The following KSR2 variants were observed in gnomAD, a reference collection of about 807,000 sequenced individuals.
KSR2 encodes kinase suppressor of ras 2.
Under a neutral mutation model 107.8 loss-of-function variants are expected in KSR2, and 25 were observed. The ratio of observed to expected loss-of-function variants is 0.23; its 90% CI spans 0.17 to 0.32. The LOEUF (loss-of-function observed/expected upper bound fraction) is 0.32, where lower values mean the gene tolerates loss of function less well. Among genes scored for constraint, KSR2 ranks in the 10% least tolerant of loss-of-function variants. The pLI is 1.00. For missense variants in KSR2, 887 were observed against 1,268.9 expected (o/e 0.70, Z 4.57); for synonymous variants, 480 against 507.0 (o/e 0.95, Z 0.71).
At chr12:117,638,826 A>G (rs1183008288) in intron 5 of KSR2, among the ~76,000 whole-genome samples, 1 of 152,338 alleles carries the variant, frequency 6.6e-6, no homozygotes, top group African/African-American at 2.4e-5. Flanking sequence ...CAAGTGAGGA[A>G]AAACCTCCAG....
chr12:117,613,516 G>T (rs1404639687), intron 5 of KSR2, among the ~76,000 whole-genome samples: 2 of 152,178 alleles, frequency 1.3e-5, no homozygotes, highest in Non-Finnish European at 2.9e-5. Flanking sequence ...ACTGGACTCA[G>T]ATGAAACATG....
intron 5 of KSR2, among the ~76,000 whole-genome samples, chr12:117,664,316 G>C (rs577926666): frequency 3.9e-5 from 6 of 152,294 alleles, no homozygotes; most frequent in Admixed American, 3.3e-4. Flanking sequence ...CCATCATGGG[G>C]TAACAAGATG....
At chr12:117,597,917 C>T (rs1880736081) in intron 5 of KSR2, among the ~76,000 whole-genome samples, 2 of 152,198 alleles carry the variant, frequency 1.3e-5, no homozygotes, top group African/African-American at 4.8e-5. Context: ...GGACTATCTC[C>T]TATTTCACAG....
At chr12:117,937,323 G>A (rs563522978) in intron 1 of KSR2, among the ~76,000 whole-genome samples, 77 of 152,000 alleles carry the variant, frequency 5.1e-4, no homozygotes, top group African/African-American at 1.8e-3. Context: ...ATGTATTTCC[G>A]TTTCACCACC....
intron 4 of KSR2, among the ~76,000 whole-genome samples, chr12:117,751,200 C>T (rs921728909): frequency 1.3e-5 from 2 of 152,136 alleles, no homozygotes; most frequent in African/African-American, 4.8e-5. Flanking sequence ...CTCCTTGCTG[C>T]CGCCATGTGA....
In KSR2 at chr12:117,481,193, A is replaced by G. The variant is rs182508183; in HGVS notation, c.2450+3223T>C. Among the ~76,000 whole-genome samples, 27 of 152,342 alleles carry G rather than the reference A, an allele frequency of 1.8e-4. No homozygotes were observed. The East Asian group carries it at 5.2e-3, about 29-fold the overall frequency. Reference sequence around the variant, plus strand: ...CCCTACTCCCATTTTACAGGTGAGGAAACTAAGGATCAGGGAACCAGGTGT... The same window carrying G: ...CCCTACTCCCATTTTACAGGTGAGGGAACTAAGGATCAGGGAACCAGGTGT... On this transcript the variant is annotated intron_variant, in intron 16 of 19. Coordinates refer to ENST00000339824, the MANE Select transcript of KSR2 (RefSeq NM_173598.6).
intron 1 of KSR2, among the ~76,000 whole-genome samples, chr12:117,935,103 C>CA (rs1895798795): frequency 6.6e-6 from 1 of 152,104 alleles, no homozygotes; most frequent in Non-Finnish European, 1.5e-5. Flanking sequence ...GCTGGGATTA[C>CA]AGGTCTGAGC....
At position 117,907,599 on chromosome 12, in the gene KSR2, A is replaced by C. The variant is rs554255446; in HGVS notation, c.181-47168T>G. On this transcript the variant is annotated intron_variant, in intron 1 of 19. Transcript: ENST00000339824. The surrounding 1 kb of genome is among the most constrained non-coding windows in gnomAD (Gnocchi z 4.3). ...AGAGCACAGAACACAGAGAGAGAGAATATCAGAAAATGTGAATGGAAAAAT... is the reference window on the plus strand; with the variant it reads ...AGAGCACAGAACACAGAGAGAGAGACTATCAGAAAATGTGAATGGAAAAAT... 2.0e-5 allele frequency among the ~76,000 whole-genome samples: 3 copies of C among 152,228 alleles called. No homozygotes were observed. The highest frequency in any genetic ancestry group is 6.5e-5 in the Admixed American group (1 of 15,296).
chr12:117,554,046 T>A (rs1422163548), intron 9 of KSR2, among the ~76,000 whole-genome samples: 1 of 152,182 alleles, frequency 6.6e-6, no homozygotes, highest in Non-Finnish European at 1.5e-5. Flanking sequence ...CAGCCTCAGA[T>A]ATTCCTTCAT....
intron 1 of KSR2, among the ~76,000 whole-genome samples, chr12:117,896,458 ATTTT>A (rs1159176481): frequency 7.4e-6 from 1 of 135,644 alleles, no homozygotes. Context: ...TTCGCACAAC[ATTTT>A]TTTTTTTTTT....
At chr12:117,809,376 C>T (rs1566026134) in intron 3 of KSR2, among the ~76,000 whole-genome samples, 1 of 151,954 alleles carries the variant, frequency 6.6e-6, no homozygotes, top group Non-Finnish European at 1.5e-5. Context: ...TGGCTCCTAC[C>T]CACTAGAAAG....
At chr12:117,953,972 C>G (rs28612617) in intron 1 of KSR2, among the ~76,000 whole-genome samples, 13,411 of 151,874 alleles carry the variant, frequency 0.088, 670 homozygotes, top group African/African-American at 0.13. Flanking sequence ...CACCTGTAGT[C>G]CCAGCTACTC....
rs1408355053 is a variant in KSR2 at position 117,907,161 on chromosome 12, C to T, written c.181-46730G>A. ...GGATAGATGGGGAAGCTGAAGCTCA[C>T]GGAGATTAAATTACTTGCTTACATG... is the stretch of plus-strand genomic sequence containing the variant. On this transcript the variant is annotated intron_variant, in intron 1 of 19. Transcript: ENST00000339824. The surrounding 1 kb of genome is among the most constrained non-coding windows in gnomAD (Gnocchi z 4.3). Among the ~76,000 whole-genome samples the T allele has an allele frequency of 6.6e-6, 1 of 152,104 alleles. No homozygotes were observed. The highest frequency in any genetic ancestry group is 2.4e-5 in the African/African-American group (1 of 41,418).
chr12:117,539,873 G>A lies in KSR2; in HGVS notation c.1533C>T (p.Val511=). 1 of 1,609,954 alleles carries A rather than the reference G, an allele frequency of 6.2e-7. No homozygotes were observed. The highest frequency in any genetic ancestry group is 8.5e-7 in the Non-Finnish European group (1 of 1,178,472). ...TNKINKDHIP[V]PYQPDSSSNP... is the part of the protein sequence containing the mutation. ...TGCTGCTGGAGTCTGGCTGGTAAGG[G>A]ACAGGGATGTGGTCCTGCAGAGAGA... is the stretch of plus-strand genomic sequence containing the variant. The change falls in exon 10 of 20, where the codon GTC becomes GTT. Residue 511 remains valine (V), a synonymous_variant. Coordinates refer to ENST00000339824, the MANE Select transcript of KSR2 (RefSeq NM_173598.6).
chr12:117,830,013 A>C (rs996314185), intron 3 of KSR2, among the ~76,000 whole-genome samples: 1 of 152,184 alleles, frequency 6.6e-6, no homozygotes, highest in African/African-American at 2.4e-5. Context: ...CACGTCTGTA[A>C]TCCCAGCACT....
chr12:117,618,554 G>A (rs1300883705), intron 5 of KSR2, among the ~76,000 whole-genome samples: 1 of 152,016 alleles, frequency 6.6e-6, no homozygotes, highest in Non-Finnish European at 1.5e-5. Flanking sequence ...ATCTTGAATT[G>A]TAGCTCCCAT....
intron 1 of KSR2, among the ~76,000 whole-genome samples, chr12:117,874,346 C>A (rs1893758622): frequency 6.6e-6 from 1 of 152,168 alleles, no homozygotes; most frequent in East Asian, 1.9e-4. Context: ...AATCCTCCCA[C>A]CTCAGCTTCC....
At chr12:117,806,243 C>A (rs536841121) in intron 3 of KSR2, among the ~76,000 whole-genome samples, 2 of 152,276 alleles carry the variant, frequency 1.3e-5, no homozygotes, top group East Asian at 1.9e-4. Context: ...TGCTCACATG[C>A]GGCATATTCC....
intron 9 of KSR2, among the ~76,000 whole-genome samples, chr12:117,549,660 C>T (rs1372926600): frequency 6.6e-6 from 1 of 152,130 alleles, no homozygotes; most frequent in Admixed American, 6.5e-5. Flanking sequence ...TATGGAAGAA[C>T]AGGAGAGAGG....
Sources: allele counts gnomAD v4.1 joint callset (sites outside exome capture counted in the v4.1 genomes callset), GRCh38; gene constraint gnomAD v4.1.1; non-coding constraint Gnocchi (gnomAD v3.1); transcripts MANE v1.5; gene names NCBI Gene and HGNC (gene_info 2026-07-23, HGNC 2026-07-21).